Variants in DOCK7 observed in about 807,000 individuals in gnomAD.
DOCK7 encodes the protein dedicator of cytokinesis 7, also known as dedicator of cytokinesis protein 7.
DOCK7 carries 138 observed loss-of-function variants against 271.0 expected under a neutral mutation model. The ratio of observed to expected loss-of-function variants is 0.51; its 90% confidence interval spans 0.44 to 0.59. The LOEUF is 0.59. Among genes scored for constraint, DOCK7 ranks in the 20% least tolerant of loss-of-function variants. DOCK7 has a pLI of 0.00. For missense variants in DOCK7, 2,066 were observed against 2,592.4 expected (o/e 0.80, Z 4.41); for synonymous variants, 823 against 876.1 (o/e 0.94, Z 1.07).
chr1:62,503,258 GT>G (rs1646838299), intron 37 of DOCK7, among the ~76,000 whole-genome samples: 1 of 151,626 alleles, frequency 6.6e-6, no homozygotes. Context: ...TATTTATCTA[GT>G]ATATGTTTAA....
rs1646236910 is a variant in DOCK7 at position 62,559,077 on chromosome 1, C to A, written c.2343G>T (p.Gln781His). 1.2e-6 allele frequency: 2 copies of A among 1,613,844 alleles called. No individual in the cohort carries two copies. Among genetic ancestry groups the A allele is most frequent in the African/African-American group, 2.7e-5 (2 of 75,008 alleles). Residue 781 changes from glutamine to histidine, a missense_variant, in exon 20 of 50, where the codon CAG becomes CAT. Around this residue, in one of 2 missense-constraint regions of DOCK7, gnomAD observed 1,414 missense variants for 1,670.4 expected, o/e 0.85. Coordinates refer to ENST00000635253, the MANE Select transcript of DOCK7 (RefSeq NM_001367561.1). ...KSSISALNSSQLEPVVRFLHL... is the reference protein window; with the variant it reads ...KSSISALNSSHLEPVVRFLHL... ...GAAGAAATCGGACCACTGGTTCCAGCTGGGATGAATTCAGTGCTGAAATAC... is the reference window on the plus strand; with the variant it reads ...GAAGAAATCGGACCACTGGTTCCAGATGGGATGAATTCAGTGCTGAAATAC...
rs553143423 is a variant in DOCK7 at position 62,642,692 on chromosome 1, ACT to A, written c.818+4997_818+4998del. On this transcript the variant is annotated intron_variant, in intron 7 of 49. Coordinates refer to ENST00000635253, the MANE Select transcript of DOCK7 (RefSeq NM_001367561.1). ...TAATTATTTTAACCTCATAAACTAG[ACT>A]CTATTACCACAAACACAGGTTTATC... Among the ~76,000 whole-genome samples the A allele has an allele frequency of 5.9e-5, 9 of 151,970 alleles. No individual in the cohort carries two copies. In the East Asian group the frequency reaches 1.7e-3, roughly 29 times the overall value.
At chr1:62,584,408 T>C (rs1647264035) in intron 15 of DOCK7, 3 of 989,578 alleles carry the variant, frequency 3.0e-6, no homozygotes, top group Non-Finnish European at 2.4e-6. Flanking sequence ...AAACAGCCCT[T>C]TTTTTAAAAA....
intron 29 of DOCK7, among the ~76,000 whole-genome samples, chr1:62,532,179 C>G (rs938016471): frequency 1.3e-5 from 2 of 152,016 alleles, no homozygotes; most frequent in African/African-American, 4.8e-5. Context: ...GGATTAGAGG[C>G]AAGCACCACC....
At position 62,513,607 on chromosome 1, in the gene DOCK7, C is replaced by T. The variant is rs1553160126; in HGVS notation, c.4120-1G>A. Reference sequence around the variant, plus strand: ...TCATTCGTTCAAACACTTTTTTCCCCTAAAATGTAAACATTAGAAGAGAAG... The same window carrying T: ...TCATTCGTTCAAACACTTTTTTCCCTTAAAATGTAAACATTAGAAGAGAAG... On this transcript the variant is annotated splice_acceptor_variant, in intron 32 of 49. Coordinates refer to ENST00000635253, the MANE Select transcript of DOCK7 (RefSeq NM_001367561.1). LOFTEE classifies it high-confidence loss of function. 1.2e-6 allele frequency: 2 copies of T among 1,609,884 alleles called. No individual in the cohort carries two copies. Among genetic ancestry groups the T allele is most frequent in the Non-Finnish European group, 1.7e-6 (2 of 1,178,948 alleles).
intron 9 of DOCK7, chr1:62,634,374 G>GA (rs377031118): frequency 0.15 from 18,143 of 122,358 alleles, 1,253 homozygotes; most frequent in South Asian, 0.3. Flanking sequence ...AAATCTCAAT[G>GA]TTTTTTTTTT....
chr1:62,523,121 C>A (rs1349793289), intron 31 of DOCK7, among the ~76,000 whole-genome samples: 1 of 152,034 alleles, frequency 6.6e-6, no homozygotes, highest in Non-Finnish European at 1.5e-5. Context: ...TAATTCAATA[C>A]AATCTTAACT....
chr1:62,555,292 G>C (rs1646103811), intron 21 of DOCK7: 1 of 152,102 alleles, frequency 6.6e-6, no homozygotes, highest in Non-Finnish European at 1.5e-5. Flanking sequence ...GGAAACTACC[G>C]AGCCACCACA....
At chr1:62,620,904 A>AC (rs1653131905) in intron 12 of DOCK7, among the ~76,000 whole-genome samples, 1 of 149,584 alleles carries the variant, frequency 6.7e-6, no homozygotes, top group African/African-American at 2.5e-5. Context: ...AAAAAAAAAA[A>AC]GGAAAGAAAA....
chr1:62,503,605 GTAT>G (rs1446212600), intron 37 of DOCK7, among the ~76,000 whole-genome samples: 1 of 151,766 alleles, frequency 6.6e-6, no homozygotes. Context: ...AGCCCGGCTA[GTAT>G]TATTTATTTT....
chr1:62,658,916 A>G (rs1571927410), intron 2 of DOCK7, among the ~76,000 whole-genome samples: 1 of 151,418 alleles, frequency 6.6e-6, no homozygotes, highest in African/African-American at 2.4e-5. Flanking sequence ...TTGCACCACT[A>G]CACTCCACCC....
At chr1:62,464,474 G>A (rs1645618862) in intron 48 of DOCK7, among the ~76,000 whole-genome samples, 1 of 150,732 alleles carries the variant, frequency 6.6e-6, no homozygotes, top group African/African-American at 2.4e-5. Context: ...CTGAGGTCAG[G>A]AGTTCGAGAC....
intron 1 of DOCK7, among the ~76,000 whole-genome samples, chr1:62,675,346 T>A (rs1401951532): frequency 6.6e-6 from 1 of 152,040 alleles, no homozygotes. Context: ...AAAGCAGCAG[T>A]GAGCTATAAC....
intron 12 of DOCK7, among the ~76,000 whole-genome samples, chr1:62,621,585 T>A (rs941245318): frequency 2.6e-5 from 4 of 152,188 alleles, no homozygotes; most frequent in Admixed American, 2.6e-4. Context: ...AACAAGGATA[T>A]AGAATTGATC....
At chr1:62,671,584 G>GT (rs1030372035) in intron 1 of DOCK7, among the ~76,000 whole-genome samples, 1 of 152,150 alleles carries the variant, frequency 6.6e-6, no homozygotes, top group Non-Finnish European at 1.5e-5. Context: ...ACCTTTTAGA[G>GT]TAAACCAATT....
intron 18 of DOCK7, among the ~76,000 whole-genome samples, chr1:62,574,774 G>T (rs1283978531): frequency 6.6e-6 from 1 of 152,062 alleles, no homozygotes; most frequent in African/African-American, 2.4e-5. Flanking sequence ...TGCCGCCCAG[G>T]CTGGAGTGCA....
At chr1:62,481,088 G>A (rs991688020) in intron 43 of DOCK7, among the ~76,000 whole-genome samples, 2 of 151,686 alleles carry the variant, frequency 1.3e-5, no homozygotes, top group African/African-American at 2.4e-5. Flanking sequence ...AGCAAAGACT[G>A]AAGGAGATGG....
chr1:62,507,642 C>G (rs12027778), intron 35 of DOCK7, among the ~76,000 whole-genome samples: 18,604 of 152,172 alleles, frequency 0.12, 1,209 homozygotes, highest in South Asian at 0.22. Context: ...CTATATGTAG[C>G]TATAGCTATA....
chr1:62,678,666 A>C (rs1032383918), intron 1 of DOCK7, among the ~76,000 whole-genome samples: 1 of 152,170 alleles, frequency 6.6e-6, no homozygotes, highest in African/African-American at 2.4e-5. Flanking sequence ...TCTAAAATTT[A>C]CGTGGAAATT....
Sources: allele counts gnomAD v4.1 joint callset (sites outside exome capture counted in the v4.1 genomes callset), GRCh38; gene constraint gnomAD v4.1.1; regional missense constraint gnomAD v4.1.1; transcripts MANE v1.5; gene names NCBI Gene and HGNC (gene_info 2026-07-23, HGNC 2026-07-21).